ZFHX3: variants seen among roughly 807,000 people sequenced by gnomAD.
The protein encoded by ZFHX3 is zinc finger homeobox protein 3.
Under a neutral mutation model 279.1 loss-of-function variants are expected in ZFHX3, and 42 were observed. The ratio of observed to expected loss-of-function variants is 0.15; its 90% confidence interval spans 0.12 to 0.19. ZFHX3 has a LOEUF of 0.19. Among genes scored for constraint, ZFHX3 ranks in the 10% least tolerant of loss-of-function variants. The probability of loss-of-function intolerance (pLI) is 1.00; values close to 1 mark genes in which losing one functional copy is unlikely to be tolerated. For synonymous variants in ZFHX3, 2,293 were observed against 1,957.8 expected, an observed-to-expected ratio of 1.17 and a Z score of -4.52; for missense variants, 4,981 against 4,754.0, an observed-to-expected ratio of 1.05 and a Z score of -1.40.
At chr16:73,489,900 A>C (rs932558229) in intron 2 of ZFHX3, among the ~76,000 whole-genome samples, 3 of 152,206 alleles carry the variant, frequency 2.0e-5, no homozygotes, top group Non-Finnish European at 4.4e-5. Flanking sequence ...TGTGTTCTAC[A>C]ATGTCAAAAT....
chr16:73,394,466 T>A (rs2017087230), intron 3 of ZFHX3, among the ~76,000 whole-genome samples: 1 of 152,032 alleles, frequency 6.6e-6, no homozygotes, highest in Non-Finnish European at 1.5e-5. Context: ...CAGCTAATTT[T>A]TTGTATTTTC....
intron 7 of ZFHX3, among the ~76,000 whole-genome samples, chr16:72,802,373 G>A (rs2036130552): frequency 6.6e-6 from 1 of 152,154 alleles, no homozygotes; most frequent in South Asian, 2.1e-4. Flanking sequence ...GTAAGCAGCG[G>A]TTCTTTGTCT....
At chr16:72,801,594 G>C (rs2036101780) in intron 7 of ZFHX3, among the ~76,000 whole-genome samples, 1 of 152,134 alleles carries the variant, frequency 6.6e-6, no homozygotes, top group African/African-American at 2.4e-5. Context: ...AGGTACCATG[G>C]AGAAGCATTC....
chr16:73,087,764 A>C (rs1220994231), intron 8 of ZFHX3, among the ~76,000 whole-genome samples: 2 of 152,264 alleles, frequency 1.3e-5, no homozygotes, highest in East Asian at 3.9e-4. Flanking sequence ...TTCAAGGATC[A>C]GGAAATGTCT....
chr16:73,841,177 C>T (rs376910694), intron 1 of ZFHX3, among the ~76,000 whole-genome samples: 6 of 152,192 alleles, frequency 3.9e-5, no homozygotes, highest in East Asian at 1.9e-4. Flanking sequence ...CCATACCAGC[C>T]AGGGGTGCCC....
chr16:72,810,007 T>A (rs1031394103), intron 7 of ZFHX3: 1 of 151,076 alleles, frequency 6.6e-6, no homozygotes, highest in Non-Finnish European at 1.5e-5. Flanking sequence ...GCCTCCTGCA[T>A]AGCTGGGACT....
chr16:73,552,121 A>G (rs2020212342), intron 2 of ZFHX3, among the ~76,000 whole-genome samples: 1 of 152,192 alleles, frequency 6.6e-6, no homozygotes, highest in South Asian at 2.1e-4. Flanking sequence ...ACTTCTAACT[A>G]CAGCCCTAAC....
chr16:73,581,663 T>TTA lies in ZFHX3; in HGVS notation c.-1547+98516_-1547+98517insTA, dbSNP rs1238632586. 3.2e-5 allele frequency among the ~76,000 whole-genome samples: 4 copies of TTA among 123,102 alleles called. 1 individual carries two copies. Among genetic ancestry groups the TTA allele is most frequent in the African/African-American group, 1.2e-4 (4 of 32,194 alleles). The allele number at this position is 123,102 out of a possible 152,430, so 80.8% of individuals were successfully genotyped here. On this transcript the variant is annotated intron_variant, in intron 2 of 17. Coordinates refer to the ZFHX3 transcript ENST00000641206. ...AGCATAAAACTTCGAATGTCTCTTTTTTTTTTTTTTTTTTTTTTTTTTTTT... is the reference window on the plus strand; with the variant it reads ...AGCATAAAACTTCGAATGTCTCTTTTTATTTTTTTTTTTTTTTTTTTTTTTTT...
At chr16:72,927,936 A>G (rs954228461) in intron 3 of ZFHX3, among the ~76,000 whole-genome samples, 5 of 150,194 alleles carry the variant, frequency 3.3e-5, no homozygotes, top group Non-Finnish European at 5.9e-5. Context: ...GGGAGGACTA[A>G]GACTCAGTAA....
intron 5 of ZFHX3, among the ~76,000 whole-genome samples, chr16:73,145,390 C>T (rs1966858602): frequency 6.6e-6 from 1 of 152,202 alleles, no homozygotes. Context: ...TGTCAGCTAA[C>T]ACTGTTGTCA....
intron 2 of ZFHX3, among the ~76,000 whole-genome samples, chr16:73,631,006 G>A (rs571450132): frequency 2.8e-5 from 4 of 141,126 alleles, no homozygotes; most frequent in African/African-American, 5.3e-5. Flanking sequence ...AGTGATGTTC[G>A]CATTGTGGCA....
intron 4 of ZFHX3, among the ~76,000 whole-genome samples, chr16:72,864,216 C>T (rs976418615): frequency 1.3e-5 from 2 of 152,166 alleles, no homozygotes; most frequent in African/African-American, 4.8e-5. Context: ...CTTTACCTGA[C>T]CCTTATATTT....
intron 3 of ZFHX3, among the ~76,000 whole-genome samples, chr16:73,325,926 C>CACAA (rs778693267): frequency 1.3e-5 from 1 of 78,236 alleles, no homozygotes; most frequent in African/African-American, 4.3e-5. Flanking sequence ...CACACACACA[C>CACAA]AAACACACAC....
chr16:73,587,008 G>A (rs537091965), intron 2 of ZFHX3, among the ~76,000 whole-genome samples: 3 of 152,200 alleles, frequency 2.0e-5, no homozygotes, highest in East Asian at 3.9e-4. Context: ...TAAAAAATAT[G>A]AATGTAAACA....
chr16:73,189,906 C>T (rs942610266), intron 5 of ZFHX3, among the ~76,000 whole-genome samples: 3 of 151,778 alleles, frequency 2.0e-5, no homozygotes, highest in Non-Finnish European at 4.4e-5. Context: ...CCAGCCTGGG[C>T]AACATAGGGA....
chr16:73,170,058 T>C (rs1260683984), intron 5 of ZFHX3, among the ~76,000 whole-genome samples: 2 of 152,050 alleles, frequency 1.3e-5, no homozygotes, highest in Non-Finnish European at 2.9e-5. Context: ...CAATACTCAA[T>C]ACCCAATCTC....
chr16:73,555,931 C>G (rs2020275611), intron 2 of ZFHX3, among the ~76,000 whole-genome samples: 1 of 151,854 alleles, frequency 6.6e-6, no homozygotes, highest in South Asian at 2.1e-4. Context: ...AATTAAATTA[C>G]ATTTTGTTTA....
chr16:73,013,660 T>C (rs1380533674), intron 1 of ZFHX3, among the ~76,000 whole-genome samples: 1 of 152,138 alleles, frequency 6.6e-6, no homozygotes, highest in African/African-American at 2.4e-5. Context: ...AAAATACAAT[T>C]TCACAAAATA....
intron 1 of ZFHX3, among the ~76,000 whole-genome samples, chr16:72,994,797 G>A (rs982276503): frequency 5.9e-5 from 9 of 152,238 alleles, no homozygotes; most frequent in African/African-American, 2.2e-4. Context: ...AGAGGCACAA[G>A]GGGCGGGGGT....
Sources: gnomAD v4.1 joint callset for allele counts (sites outside exome capture counted in the v4.1 genomes callset) on GRCh38, gnomAD v4.1.1 for gene constraint, MANE v1.5 for transcripts, NCBI Gene and HGNC (gene_info 2026-07-23, HGNC 2026-07-21) for gene names.